The following PDS5A variants were observed in gnomAD, a reference collection of about 807,000 sequenced individuals.
The protein encoded by PDS5A is sister chromatid cohesion protein PDS5 homolog A.
In PDS5A, 42 loss-of-function variants were observed where a neutral mutation model predicts 167.1. The observed-to-expected ratio is 0.25, with a 90% CI of 0.20 to 0.33. The LOEUF (loss-of-function observed/expected upper bound fraction) is 0.33. Ranked by LOEUF, PDS5A falls within the 10% of genes least tolerant of loss-of-function variation. PDS5A has a pLI of 1.00. For synonymous variants in PDS5A, 553 were observed against 554.6 expected (o/e 1.00, Z 0.04); for missense variants, 1,033 against 1,605.9 (o/e 0.64, Z 6.10).
chr4:39,841,384 G>A (rs974743995), intron 31 of PDS5A, among the ~76,000 whole-genome samples: 5 of 152,050 alleles, frequency 3.3e-5, no homozygotes, highest in Admixed American at 6.6e-5. Context: ...TGATCCACCC[G>A]CTTCAGCCTC....
At chr4:39,838,369 G>A (rs1003291128) in intron 31 of PDS5A, among the ~76,000 whole-genome samples, 161 bp from the exon 32 acceptor site, 2 of 152,234 alleles carry the variant, frequency 1.3e-5, no homozygotes, top group Admixed American at 6.5e-5. Context: ...TGAGGAGAGT[G>A]ACTGTGCCTG....
intron 13 of PDS5A, among the ~76,000 whole-genome samples, chr4:39,900,831 T>A (rs1041272866): frequency 3.9e-5 from 6 of 152,066 alleles, no homozygotes; most frequent in African/African-American, 1.4e-4. Context: ...TAAAACAAAC[T>A]GAAAAACATG....
intron 32 of PDS5A, among the ~76,000 whole-genome samples, chr4:39,834,929 A>G (rs1716255339): frequency 6.6e-6 from 1 of 152,184 alleles, no homozygotes; most frequent in Non-Finnish European, 1.5e-5. Flanking sequence ...CAGCTCCCTG[A>G]GTACAGGCAC....
rs748382440 is a variant in PDS5A at position 39,872,976 on chromosome 4, A to G, written c.2436+10T>C. On this transcript the variant is annotated intron_variant, in intron 21 of 32. Coordinates refer to ENST00000303538, the MANE Select transcript of PDS5A (RefSeq NM_001100399.2). ...TCATGATTCTCAATTTAATTAAATG[A>G]GAAACTTACCCTGTCATTCATTAGC... is the stretch of plus-strand genomic sequence containing the variant. 1.1e-5 allele frequency: 16 copies of G among 1,446,336 alleles called. No homozygotes were observed. The highest frequency in any genetic ancestry group is 1.4e-5 in the Non-Finnish European group (15 of 1,071,908). 89.6% of individuals were successfully genotyped at this position (1,446,336 alleles called of 1,614,324 possible).
chr4:39,868,407 C>T (rs1435858155), intron 22 of PDS5A, among the ~76,000 whole-genome samples: 1 of 152,238 alleles, frequency 6.6e-6, no homozygotes, highest in Non-Finnish European at 1.5e-5. Flanking sequence ...TGGCTCACTG[C>T]AACCTCTACC....
intron 14 of PDS5A, 22 bp downstream of exon 14, chr4:39,900,404 T>C (rs758979864): frequency 6.8e-7 from 1 of 1,481,078 alleles, no homozygotes; most frequent in Non-Finnish European, 9.3e-7. Context: ...AAACTATGAA[T>C]TTAAACAAAT....
At chr4:39,895,266 G>A (rs888361529) in intron 16 of PDS5A, among the ~76,000 whole-genome samples, 2 of 150,522 alleles carry the variant, frequency 1.3e-5, no homozygotes, top group Admixed American at 6.6e-5. Context: ...GAACATTAGA[G>A]TGCACGCACA....
At chr4:39,893,329 C>G (rs1176528918) in intron 16 of PDS5A, among the ~76,000 whole-genome samples, 3 of 152,126 alleles carry the variant, frequency 2.0e-5, no homozygotes, top group Non-Finnish European at 4.4e-5. Context: ...TATCCCCCAC[C>G]CCACACACAA....
intron 30 of PDS5A, among the ~76,000 whole-genome samples, chr4:39,842,576 ATTC>A (rs1717123699): frequency 6.6e-6 from 1 of 152,154 alleles, no homozygotes; most frequent in African/African-American, 2.4e-5. Flanking sequence ...GGTTGAGTTT[ATTC>A]TTAAGATTTC....
intron 16 of PDS5A, among the ~76,000 whole-genome samples, chr4:39,894,886 C>T (rs1722260582): frequency 6.6e-6 from 1 of 152,108 alleles, no homozygotes; most frequent in Non-Finnish European, 1.5e-5. Flanking sequence ...CCCCTGCCCA[C>T]ACACACAAAG....
chr4:39,954,237 G>C (rs1245138131), intron 2 of PDS5A, among the ~76,000 whole-genome samples: 1 of 152,012 alleles, frequency 6.6e-6, no homozygotes, highest in Non-Finnish European at 1.5e-5. Context: ...GCATGTGCCT[G>C]TAGTCCCAGT....
chr4:39,926,660 T>C, intron 4 of PDS5A, 115 bp downstream of exon 4: 1 of 722,960 alleles, frequency 1.4e-6, no homozygotes, highest in East Asian at 3.7e-5. Flanking sequence ...GTAAAAGACA[T>C]TTTATTATAG....
At chr4:39,826,398 C>T (rs1028766008) in intron 32 of PDS5A, among the ~76,000 whole-genome samples, 1 of 152,076 alleles carries the variant, frequency 6.6e-6, no homozygotes, top group Non-Finnish European at 1.5e-5. Context: ...CTGAGAAGTG[C>T]ATTCTGGTTT....
At chr4:39,973,920 T>C (rs1730821762) in intron 2 of PDS5A, 2 of 611,410 alleles carry the variant, frequency 3.3e-6, no homozygotes, top group East Asian at 6.2e-5. Flanking sequence ...GGTCAGGAGA[T>C]CGAGACCATC....
chr4:39,910,398 G>A (rs1723785659), intron 9 of PDS5A, 60 bp from the exon 10 acceptor site: 3 of 823,614 alleles, frequency 3.6e-6, no homozygotes, highest in Admixed American at 2.1e-5. Flanking sequence ...TCTCAAATCA[G>A]GTATATCTAA....
At position 39,862,352 on chromosome 4, in the gene PDS5A, TAAA is replaced by T. The variant is rs1719072020; in HGVS notation, c.2972-22_2972-20del. 2 of 1,178,624 alleles carry T rather than the reference TAAA, an allele frequency of 1.7e-6. No homozygotes were observed. The highest frequency in any genetic ancestry group is 2.5e-6 in the Non-Finnish European group (2 of 815,638). The allele number at this position is 1,178,624 out of a possible 1,614,324, so 73.0% of individuals were successfully genotyped here. ...AATTTCTCTGAAGTAAAAACATTAT[TAAA>T]AACAACCTTTATAAAATGCCTTAGT... is the stretch of plus-strand genomic sequence containing the variant. On this transcript the variant is annotated intron_variant, in intron 25 of 32. Coordinates refer to ENST00000303538, the MANE Select transcript of PDS5A (RefSeq NM_001100399.2).
At chr4:39,976,367 A>C in intron 2 of PDS5A, 73 bp downstream of exon 2, 1 of 1,324,706 alleles carries the variant, frequency 7.5e-7, no homozygotes, top group Non-Finnish European at 1.1e-6. Flanking sequence ...TAAAGGCCAG[A>C]CTGAGCAGGG....
At chr4:39,861,097 A>T (rs1320771094) in intron 26 of PDS5A, among the ~76,000 whole-genome samples, 1 of 151,410 alleles carries the variant, frequency 6.6e-6, no homozygotes, top group Non-Finnish European at 1.5e-5. Context: ...AAAAATGAAG[A>T]TCTTATACAG....
Position 39,890,314 on chromosome 4 carries a change from A to G in PDS5A, c.1821T>C (p.Phe607=). 1 of 1,586,352 alleles carries G rather than the reference A, an allele frequency of 6.3e-7. No individual in the cohort carries two copies. The highest frequency in any genetic ancestry group is 1.2e-5 in the South Asian group (1 of 86,768). The change falls in exon 17 of 33, where the codon TTT becomes TTC. Residue 607 remains phenylalanine (F), a synonymous_variant. Transcript: ENST00000303538. ...CCAACAGAAATTTGACCATCTCTAG[A>G]AAAGGATTTGTTGGTTGCTTAGGAT... ...LANPKQPTNP[F]LEMVKFLLER... is the part of the protein sequence containing the mutation.
Sources: allele counts gnomAD v4.1 joint callset (sites outside exome capture counted in the v4.1 genomes callset), GRCh38; gene constraint gnomAD v4.1.1; transcripts MANE v1.5; gene names NCBI Gene and HGNC (gene_info 2026-07-23, HGNC 2026-07-21).